Variants in SEMA5A observed in about 807,000 individuals in gnomAD.
The protein encoded by SEMA5A is semaphorin 5A, also known as semaphorin-5A.
In SEMA5A, 55 loss-of-function variants were observed where a neutral mutation model predicts 135.5. The observed-to-expected ratio is 0.41, with a 90% confidence interval of 0.33 to 0.51. The LOEUF (loss-of-function observed/expected upper bound fraction) is 0.51, where lower values mean the gene tolerates loss of function less well. Among genes scored for constraint, SEMA5A ranks in the 20% least tolerant of loss-of-function variants. SEMA5A has a pLI of 0.37. For synonymous variants in SEMA5A, 580 were observed against 546.5 expected (o/e 1.06, Z -0.85); for missense variants, 1,290 against 1,419.9 (o/e 0.91, Z 1.47).
chr5:9,043,452 T>C (rs188070561), intron 22 of SEMA5A, among the ~76,000 whole-genome samples: 205 of 152,382 alleles, frequency 1.3e-3, no homozygotes, highest in African/African-American at 4.8e-3. Context: ...GAGACCTTGA[T>C]GGAACTTATT....
intron 8 of SEMA5A, among the ~76,000 whole-genome samples, chr5:9,206,619 T>A (rs3846578): frequency 0.11 from 16,810 of 152,090 alleles, 1,484 homozygotes; most frequent in African/African-American, 0.25. Context: ...TGAGCAGATC[T>A]TTAATAGGTT....
chr5:9,425,380 C>G (rs1757612033), intron 2 of SEMA5A, among the ~76,000 whole-genome samples: 2 of 152,222 alleles, frequency 1.3e-5, no homozygotes. Flanking sequence ...TGTGTTCACA[C>G]ACACACACAC....
Position 9,135,337 on chromosome 5 carries a change from C to A in SEMA5A, c.1599+1167G>T, listed in dbSNP as rs375528467. On this transcript the variant is annotated intron_variant, in intron 13 of 22. Coordinates refer to ENST00000382496, the MANE Select transcript of SEMA5A (RefSeq NM_003966.3). ...CTGGGACTACAGGCGCCCGCCACCA[C>A]GCCTGGCTAATTTTTTGTATTTTTT... Among the ~76,000 whole-genome samples the A allele has an allele frequency of 3.2e-3, 488 of 152,036 alleles. 6 individuals are homozygous for A. In the South Asian group the frequency reaches 0.034, roughly 11 times the overall value.
chr5:9,397,600 C>T (rs1320328904), intron 2 of SEMA5A, among the ~76,000 whole-genome samples: 2 of 152,154 alleles, frequency 1.3e-5, no homozygotes, highest in African/African-American at 2.4e-5. Flanking sequence ...TGGCTTTGCA[C>T]ATTTTTAATG....
intron 2 of SEMA5A, among the ~76,000 whole-genome samples, chr5:9,423,463 C>A (rs1457422107): frequency 1.3e-5 from 2 of 152,240 alleles, no homozygotes; most frequent in Admixed American, 1.3e-4. Flanking sequence ...TAGGAGCTCA[C>A]AACCCACCGC....
chr5:9,376,931 C>T (rs990873690), intron 3 of SEMA5A, among the ~76,000 whole-genome samples: 2 of 152,042 alleles, frequency 1.3e-5, no homozygotes, highest in African/African-American at 4.8e-5. Context: ...AATCCCAATT[C>T]GAATAATCTC....
intron 6 of SEMA5A, among the ~76,000 whole-genome samples, chr5:9,229,716 A>C (rs774256374): frequency 6.6e-6 from 1 of 152,020 alleles, no homozygotes; most frequent in Admixed American, 6.5e-5. Flanking sequence ...GATGTAATAA[A>C]ACTTTTTCCT....
At chr5:9,513,004 A>C (rs938689335) in intron 1 of SEMA5A, among the ~76,000 whole-genome samples, 1 of 151,148 alleles carries the variant, frequency 6.6e-6, no homozygotes, top group African/African-American at 2.4e-5. Flanking sequence ...AAAGGAAGCC[A>C]AATCCAAGTT....
rs531191719 is a variant in SEMA5A at position 9,484,179 on chromosome 5, A to G, written c.-174-46327T>C. ...ACCATTACATTTTAGACAACTTTTT[A>G]AAAAGCTTGAATTTCAAGGATTAGG... On this transcript the variant is annotated intron_variant, in intron 1 of 22. Transcript: ENST00000382496. Among the ~76,000 whole-genome samples, 10 of 152,344 alleles carry G rather than the reference A, an allele frequency of 6.6e-5. 1 individual carries two copies. The highest frequency in any genetic ancestry group is 1.9e-4 in the African/African-American group (8 of 41,582).
chr5:9,108,324 T>C (rs376505440), intron 15 of SEMA5A, 37 bp from the exon 16 acceptor site: 9 of 1,608,612 alleles, frequency 5.6e-6, no homozygotes, highest in Non-Finnish European at 6.8e-6. Context: ...GGAAACTAAT[T>C]AGTGCCACTT....
chr5:9,318,885 G>A lies in SEMA5A; in HGVS notation c.225-468C>T, dbSNP rs138422150. On this transcript the variant is annotated intron_variant, in intron 4 of 22. Coordinates refer to ENST00000382496, the MANE Select transcript of SEMA5A (RefSeq NM_003966.3). ...TACTCTACCTTGTAAGATGGATTCAGTACGTAATAAACGTTTAGAAATATG... is the reference window on the plus strand; with the variant it reads ...TACTCTACCTTGTAAGATGGATTCAATACGTAATAAACGTTTAGAAATATG... Among the ~76,000 whole-genome samples, 814 of 152,312 alleles carry A rather than the reference G, an allele frequency of 5.3e-3. 5 individuals carry two copies. Among genetic ancestry groups the A allele is most frequent in the African/African-American group, 0.019 (775 of 41,564 alleles).
intron 3 of SEMA5A, among the ~76,000 whole-genome samples, chr5:9,343,217 G>A (rs1285727360): frequency 1.3e-5 from 2 of 152,178 alleles, no homozygotes; most frequent in African/African-American, 4.8e-5. Flanking sequence ...TATTACCCAA[G>A]TGTCTTTATG....
At chr5:9,179,539 G>T (rs1425452821) in intron 11 of SEMA5A, among the ~76,000 whole-genome samples, 1 of 152,064 alleles carries the variant, frequency 6.6e-6, no homozygotes, top group East Asian at 1.9e-4. Context: ...TTTGTGGTTG[G>T]GAGACCAGGC....
At chr5:9,450,111 C>T (rs1007820991) in intron 1 of SEMA5A, among the ~76,000 whole-genome samples, 1 of 152,086 alleles carries the variant, frequency 6.6e-6, no homozygotes, top group Non-Finnish European at 1.5e-5. Flanking sequence ...AAGCTGAGTC[C>T]CCTATACCAG....
intron 1 of SEMA5A, among the ~76,000 whole-genome samples, chr5:9,530,637 C>G (rs975327724): frequency 6.6e-6 from 1 of 152,134 alleles, no homozygotes; most frequent in Non-Finnish European, 1.5e-5. Flanking sequence ...TAATTAATTG[C>G]ATTTGCCCAC....
At position 9,136,618 on chromosome 5, in the gene SEMA5A, G is replaced by A. The variant is rs900275764; in HGVS notation, c.1485C>T (p.Thr495=). The A allele has an allele frequency of 2.5e-6, 4 of 1,613,416 alleles. No individual in the cohort carries two copies. Among genetic ancestry groups the A allele is most frequent in the Non-Finnish European group, 3.4e-6 (4 of 1,179,460 alleles). Residue 495 remains threonine, a synonymous_variant, in exon 13 of 23, where the codon ACC becomes ACT. Transcript: ENST00000382496. Reference sequence around the variant, plus strand: ...AGTAAGGGTCCTGGGCCCCAATGCAGGTGCTGGAAACACACACCAAATGGT... The same window carrying A: ...AGTAAGGGTCCTGGGCCCCAATGCAAGTGCTGGAAACACACACCAAATGGT... ...KRCQFYRTRS[T]CIGAQDPYCG... is the part of the protein sequence containing the mutation.
intron 8 of SEMA5A, among the ~76,000 whole-genome samples, chr5:9,203,517 T>C (rs1257719593): frequency 6.6e-6 from 1 of 152,210 alleles, no homozygotes; most frequent in Non-Finnish European, 1.5e-5. Context: ...AGTGCAGAAG[T>C]TGACTTCAGA....
chr5:9,515,101 T>C (rs1736433738), intron 1 of SEMA5A, among the ~76,000 whole-genome samples: 1 of 152,228 alleles, frequency 6.6e-6, no homozygotes, highest in Admixed American at 6.5e-5. Flanking sequence ...GCTCAAAACA[T>C]TCCCATGAGC....
At chr5:9,057,298 A>C (rs913568892) in intron 18 of SEMA5A, among the ~76,000 whole-genome samples, 2 of 152,256 alleles carry the variant, frequency 1.3e-5, no homozygotes, top group Non-Finnish European at 2.9e-5. Context: ...TACCACAGCG[A>C]AAACAAAAAT....
Sources: allele counts gnomAD v4.1 joint callset (sites outside exome capture counted in the v4.1 genomes callset), GRCh38; gene constraint gnomAD v4.1.1; transcripts MANE v1.5; gene names NCBI Gene and HGNC (gene_info 2026-07-23, HGNC 2026-07-21).